The following QTMAN variants were observed in gnomAD, a reference collection of about 807,000 sequenced individuals.
The protein encoded by QTMAN is queuosine-tRNA mannosyltransferase.
At chr2:144,218,723 T>C in the QTMAN span, among the ~76,000 whole-genome samples, 4 of 152,144 alleles carry the variant, frequency 2.6e-5, no homozygotes, top group Non-Finnish European at 5.9e-5. Context: ...TACTCTAACA[T>C]ACAAATATTC....
the QTMAN span, among the ~76,000 whole-genome samples, chr2:144,035,445 T>C: frequency 6.6e-6 from 1 of 152,242 alleles, no homozygotes; most frequent in Non-Finnish European, 1.5e-5. Flanking sequence ...CTTAAAAGCA[T>C]GCATGAGATA....
the QTMAN span, chr2:144,332,586 AGGCG>A: frequency 6.7e-6 from 1 of 149,354 alleles, no homozygotes; most frequent in Non-Finnish European, 1.5e-5. Flanking sequence ...CGGGCGCGTC[AGGCG>A]CTGGTCCCGC....
chr2:144,149,704 C>T, the QTMAN span, among the ~76,000 whole-genome samples: 1 of 152,026 alleles, frequency 6.6e-6, no homozygotes. Flanking sequence ...GACCTGTACA[C>T]GTTTCGATTG....
chr2:144,190,820 A>G, the QTMAN span, among the ~76,000 whole-genome samples: 2 of 152,206 alleles, frequency 1.3e-5, no homozygotes, highest in East Asian at 1.9e-4. Context: ...ACAAAGGTCA[A>G]GCAATACAAC....
the QTMAN span, among the ~76,000 whole-genome samples, chr2:144,020,712 T>C: frequency 1.3e-5 from 2 of 151,796 alleles, no homozygotes; most frequent in Non-Finnish European, 2.9e-5. Flanking sequence ...TCACACACCC[T>C]GGGAGGGGAA....
At chr2:144,232,886 T>C in the QTMAN span, among the ~76,000 whole-genome samples, 2,266 of 152,286 alleles carry the variant, frequency 0.015, 54 homozygotes, top group African/African-American at 0.052. Flanking sequence ...CTCCTAATGG[T>C]AGGGCACTAA....
the QTMAN span, among the ~76,000 whole-genome samples, chr2:144,048,483 G>A: frequency 1.3e-5 from 2 of 152,118 alleles, no homozygotes; most frequent in South Asian, 2.1e-4. Context: ...TGGTGGGGCT[G>A]TGTGGATGGT....
the QTMAN span, among the ~76,000 whole-genome samples, chr2:144,042,876 T>G: frequency 7.2e-5 from 11 of 152,096 alleles, no homozygotes; most frequent in Non-Finnish European, 1.5e-5. Context: ...TGGTAAGTAC[T>G]GAAAACGTAA....
the QTMAN span, among the ~76,000 whole-genome samples, chr2:144,100,685 C>T: frequency 6.6e-6 from 1 of 152,008 alleles, no homozygotes; most frequent in Non-Finnish European, 1.5e-5. Flanking sequence ...TTACTGATTT[C>T]TATATGCACA....
At chr2:144,160,337 C>T in the QTMAN span, among the ~76,000 whole-genome samples, 6 of 152,082 alleles carry the variant, frequency 3.9e-5, no homozygotes, top group African/African-American at 1.2e-4. Flanking sequence ...TTACTGATTA[C>T]AGCAATAAAA....
the QTMAN span, among the ~76,000 whole-genome samples, chr2:143,991,032 A>G: frequency 2.6e-5 from 4 of 152,160 alleles, no homozygotes; most frequent in Admixed American, 1.3e-4. Flanking sequence ...GGATTAGTAA[A>G]CTCAAAGATA....
At chr2:144,065,618 A>T in the QTMAN span, among the ~76,000 whole-genome samples, 1 of 152,132 alleles carries the variant, frequency 6.6e-6, no homozygotes, top group Non-Finnish European at 1.5e-5. Context: ...CTAGATCCAG[A>T]GCATTGTACT....
At chr2:144,195,411 T>C in the QTMAN span, among the ~76,000 whole-genome samples, 2 of 152,102 alleles carry the variant, frequency 1.3e-5, no homozygotes, top group Non-Finnish European at 2.9e-5. Flanking sequence ...AACATATGCA[T>C]GCTGAACATA....
At chr2:144,269,035 C>T in the QTMAN span, among the ~76,000 whole-genome samples, 3 of 152,226 alleles carry the variant, frequency 2.0e-5, no homozygotes, top group South Asian at 2.1e-4. Context: ...GTGATCTGCC[C>T]GCCTCAGCCT....
At chr2:144,091,871 G>A in the QTMAN span, among the ~76,000 whole-genome samples, 2 of 152,030 alleles carry the variant, frequency 1.3e-5, no homozygotes, top group African/African-American at 2.4e-5. Context: ...TGGACTATTA[G>A]ACACCAAACA....
chr2:144,034,371 G>A, the QTMAN span, among the ~76,000 whole-genome samples: 1 of 152,168 alleles, frequency 6.6e-6, no homozygotes. Flanking sequence ...TTGTCTGCCT[G>A]CTATCCCAGC....
chr2:144,090,692 A>G, the QTMAN span, among the ~76,000 whole-genome samples: 1 of 152,006 alleles, frequency 6.6e-6, no homozygotes, highest in East Asian at 1.9e-4. Flanking sequence ...TTTTGTATAT[A>G]TTGATGTATA....
chr2:144,018,799 G>T, the QTMAN span, among the ~76,000 whole-genome samples: 1 of 152,154 alleles, frequency 6.6e-6, no homozygotes, highest in Non-Finnish European at 1.5e-5. Context: ...AACATATAAT[G>T]TGGTAGGTGC....
the QTMAN span, among the ~76,000 whole-genome samples, chr2:144,197,804 T>C: frequency 6.6e-6 from 1 of 152,184 alleles, no homozygotes; most frequent in African/African-American, 2.4e-5. Flanking sequence ...TCTCCTATAC[T>C]CATCAATAGT....
Sources: gnomAD v4.1 joint callset for allele counts (sites outside exome capture counted in the v4.1 genomes callset) on GRCh38, gnomAD v4.1.1 for gene constraint, MANE v1.5 for transcripts, NCBI Gene and HGNC (gene_info 2026-07-23, HGNC 2026-07-21) for gene names.